Variants in LAMC1 observed in about 807,000 individuals in gnomAD.
LAMC1 encodes the protein laminin subunit gamma-1.
A neutral mutation model predicts 173.6 loss-of-function variants in LAMC1; 38 were observed. The observed-to-expected ratio is 0.22, with a 90% confidence interval of 0.17 to 0.29. LAMC1 has a LOEUF of 0.29. LAMC1 is among the 10% of genes least tolerant of loss of function. LAMC1 has a pLI of 1.00. For synonymous variants in LAMC1, 746 were observed against 749.1 expected (o/e 1.00, Z 0.07); for missense variants, 1,824 against 2,051.8 (o/e 0.89, Z 2.14).
intron 1 of LAMC1, among the ~76,000 whole-genome samples, chr1:183,082,073 A>T (rs750920652): frequency 6.6e-5 from 10 of 152,200 alleles, no homozygotes; most frequent in Non-Finnish European, 1.3e-4. Flanking sequence ...GTGATAGCTC[A>T]TTCTTTTTAT....
Position 183,122,358 on chromosome 1 carries a change from T to TA in LAMC1, c.2401+107_2401+108insA. 4 of 1,043,094 alleles carry TA rather than the reference T, an allele frequency of 3.8e-6. No homozygotes were observed. The East Asian group carries it at 9.5e-5, about 25-fold the overall frequency. The allele number at this position is 1,043,094 out of a possible 1,614,324, so 64.6% of individuals were successfully genotyped here. Reference sequence around the variant, plus strand: ...ATCTTTGTGTTTGGTTCAGTTTCAGTGGTTATGGTTTTCCTAATAGGAAGC... The same window carrying TA: ...ATCTTTGTGTTTGGTTCAGTTTCAGTAGGTTATGGTTTTCCTAATAGGAAGC... On this transcript the variant is annotated intron_variant, in intron 13 of 27. Transcript: ENST00000258341.
At chr1:183,066,162 G>GA (rs1654868566) in intron 1 of LAMC1, among the ~76,000 whole-genome samples, 1 of 152,070 alleles carries the variant, frequency 6.6e-6, no homozygotes, top group African/African-American at 2.4e-5. Context: ...TAGTTTGTGG[G>GA]AAAAATTGAA....
At chr1:183,102,845 T>C (rs973340941) in intron 1 of LAMC1, among the ~76,000 whole-genome samples, 3 of 152,200 alleles carry the variant, frequency 2.0e-5, no homozygotes, top group Admixed American at 2.0e-4. Context: ...AGTAGAAGAA[T>C]AGAGCTGATG....
chr1:183,077,772 T>TTGTGTGTGTG lies in LAMC1; in HGVS notation c.419-25551_419-25550insGTGTGTGTGT, dbSNP rs796592939. 1.3e-3 allele frequency among the ~76,000 whole-genome samples: 102 copies of TTGTGTGTGTG among 78,280 alleles called. 6 individuals are homozygous for TTGTGTGTGTG. The highest frequency in any genetic ancestry group is 6.8e-3 in the East Asian group (20 of 2,960). The allele number at this position is 78,280 out of a possible 152,430, so 51.4% of individuals were successfully genotyped here. ...TGGCTGAATAGTATTTTTATGGCCA[T>TTGTGTGTGTG]TGTGTATATATATATATATATATAC... is the stretch of plus-strand genomic sequence containing the variant. On this transcript the variant is annotated intron_variant, in intron 1 of 27. Coordinates refer to ENST00000258341, the MANE Select transcript of LAMC1 (RefSeq NM_002293.4).
intron 1 of LAMC1, among the ~76,000 whole-genome samples, chr1:183,098,207 A>G (rs920814707): frequency 6.6e-6 from 1 of 152,234 alleles, no homozygotes; most frequent in East Asian, 1.9e-4. Flanking sequence ...TGAAATGAGT[A>G]GGATGGACAG....
chr1:183,070,699 T>C (rs1247784416), intron 1 of LAMC1, among the ~76,000 whole-genome samples: 1 of 152,210 alleles, frequency 6.6e-6, no homozygotes, highest in African/African-American at 2.4e-5. Context: ...TAGGGATTTT[T>C]TTTTTCCTGC....
At chr1:183,132,040 T>C (rs955399048) in intron 20 of LAMC1, among the ~76,000 whole-genome samples, 10 of 152,230 alleles carry the variant, frequency 6.6e-5, no homozygotes, top group African/African-American at 2.2e-4. Flanking sequence ...GGCTCATGCC[T>C]GTAATCCCAG....
chr1:183,024,910 G>C (rs541341284), intron 1 of LAMC1, among the ~76,000 whole-genome samples: 1 of 152,380 alleles, frequency 6.6e-6, no homozygotes, highest in South Asian at 2.1e-4. Flanking sequence ...GGGATGTGTA[G>C]AAAACTTCAT....
rs1471209094 is a variant in LAMC1 at position 183,087,601 on chromosome 1, A to G, written c.419-15727A>G. On this transcript the variant is annotated intron_variant, in intron 1 of 27. Coordinates refer to ENST00000258341, the MANE Select transcript of LAMC1 (RefSeq NM_002293.4). ...ATCTCACAGAAAGGAAATCCTTGCT[A>G]CTACCATGAAAGCTTATCACATGCT... Among the ~76,000 whole-genome samples, 3 of 152,314 alleles carry G rather than the reference A, an allele frequency of 2.0e-5. No homozygotes were observed. In the East Asian group the frequency reaches 5.8e-4, roughly 29 times the overall value.
intron 1 of LAMC1, among the ~76,000 whole-genome samples, chr1:183,083,084 A>G (rs1346165068): frequency 6.6e-6 from 1 of 152,186 alleles, no homozygotes; most frequent in Non-Finnish European, 1.5e-5. Flanking sequence ...AAGAAGTGAA[A>G]AAAGATCAAT....
chr1:183,133,600 C>CT (rs762657704), intron 22 of LAMC1, 50 bp downstream of exon 22: 1 of 1,534,750 alleles, frequency 6.5e-7, no homozygotes, highest in Non-Finnish European at 8.8e-7. Context: ...TCCCCCAAGT[C>CT]TATGTGAGAG....
intron 14 of LAMC1, 90 bp from the exon 15 acceptor site, chr1:183,125,307 C>A: frequency 1.4e-6 from 2 of 1,410,450 alleles, no homozygotes; most frequent in South Asian, 1.2e-5. Flanking sequence ...CCTGGCAACA[C>A]AGGTCTAAAG....
intron 11 of LAMC1, among the ~76,000 whole-genome samples, chr1:183,118,771 C>T (rs1391135165): frequency 6.6e-6 from 1 of 151,128 alleles, no homozygotes; most frequent in East Asian, 1.9e-4. Flanking sequence ...CAAGTTGCCT[C>T]ATCTTCATTT....
At chr1:183,060,747 A>G (rs546335044) in intron 1 of LAMC1, among the ~76,000 whole-genome samples, 4 of 152,258 alleles carry the variant, frequency 2.6e-5, no homozygotes, top group Non-Finnish European at 4.4e-5. Flanking sequence ...ATATGACCGA[A>G]TGAATGGGTG....
At chr1:183,091,143 A>T (rs1655556470) in intron 1 of LAMC1, among the ~76,000 whole-genome samples, 1 of 152,102 alleles carries the variant, frequency 6.6e-6, no homozygotes, top group South Asian at 2.1e-4. Context: ...TAGAGAAAAA[A>T]TTCAAACTTC....
In LAMC1 at chr1:183,103,786, T is replaced by C. The variant is rs148586205; in HGVS notation, c.723+154T>C. The C allele has an allele frequency of 5.2e-5, 28 of 542,042 alleles. No individual in the cohort carries two copies. The East Asian group carries it at 8.2e-4, about 16-fold the overall frequency. 33.6% of individuals were successfully genotyped at this position (542,042 alleles called of 1,614,324 possible). Reference sequence around the variant, plus strand: ...AGACAGAGAGCTTGATTCTGCTCTCTGTGTACTATTAATAAGTGAAGGAAA... The same window carrying C: ...AGACAGAGAGCTTGATTCTGCTCTCCGTGTACTATTAATAAGTGAAGGAAA... On this transcript the variant is annotated intron_variant, in intron 2 of 27. Transcript: ENST00000258341.
At chr1:183,110,357 T>TA in intron 3 of LAMC1, 131 bp from the exon 4 acceptor site, 1 of 616,252 alleles carries the variant, frequency 1.6e-6, no homozygotes, top group African/African-American at 1.9e-5. Flanking sequence ...ATCCATTACT[T>TA]AATCTTGCTC....
chr1:183,071,086 G>GTTTTTTTTTTT (rs1423165417), intron 1 of LAMC1, among the ~76,000 whole-genome samples: 1 of 146,064 alleles, frequency 6.8e-6, no homozygotes, highest in African/African-American at 2.6e-5. Context: ...GGTTTTTTTT[G>GTTTTTTTTTTT]TTTTTGTTTT....
At chr1:183,081,970 A>G (rs1424125223) in intron 1 of LAMC1, among the ~76,000 whole-genome samples, 1 of 152,172 alleles carries the variant, frequency 6.6e-6, no homozygotes, top group Admixed American at 6.5e-5. Context: ...CCAGAATGTC[A>G]TATAGTTGGA....
Sources: gnomAD v4.1 joint callset for allele counts (sites outside exome capture counted in the v4.1 genomes callset) on GRCh38, gnomAD v4.1.1 for gene constraint, MANE v1.5 for transcripts, NCBI Gene and HGNC (gene_info 2026-07-23, HGNC 2026-07-21) for gene names.